RNF144A: variants seen among roughly 807,000 people sequenced by gnomAD.
RNF144A encodes the protein E3 ubiquitin-protein ligase RNF144A.
Under a neutral mutation model 38.7 loss-of-function variants are expected in RNF144A, and 11 were observed. The observed-to-expected ratio is 0.28, with a 90% CI of 0.18 to 0.47. The LOEUF (loss-of-function observed/expected upper bound fraction) is 0.47. RNF144A is among the 20% of genes least tolerant of loss of function. RNF144A has a pLI of 0.99. For missense variants in RNF144A, 316 were observed against 377.2 expected, an observed-to-expected ratio of 0.84 and a Z score of 1.34; for synonymous variants, 149 against 143.9, an observed-to-expected ratio of 1.04 and a Z score of -0.25.
chr2:7,016,923 C>T (rs891002542), intron 5 of RNF144A, among the ~76,000 whole-genome samples: 1 of 152,188 alleles, frequency 6.6e-6, no homozygotes, highest in East Asian at 1.9e-4. Context: ...TCTGATATAA[C>T]AGCCTTGGTT....
chr2:7,075,172 A>G, the RNF144A span, among the ~76,000 whole-genome samples: 2 of 152,096 alleles, frequency 1.3e-5, no homozygotes, highest in Non-Finnish European at 1.5e-5. Context: ...TTGGGAAGAC[A>G]TCTTTCCTCT....
chr2:6,931,248 A>T (rs569927294), intron 1 of RNF144A, among the ~76,000 whole-genome samples: 38 of 152,354 alleles, frequency 2.5e-4, no homozygotes, highest in Admixed American at 4.6e-4. Flanking sequence ...TTGTGAAAAG[A>T]CCTGTGACTT....
In RNF144A at chr2:7,042,566, T is replaced by C. The variant is rs80300914; in HGVS notation, c.*2806T>C. The C allele has an allele frequency of 1.3e-3, 1,275 of 985,562 alleles. 12 individuals are homozygous for C. In the African/African-American group the frequency reaches 0.021, roughly 16 times the overall value. The allele number at this position is 985,562 out of a possible 1,614,324, so 61.1% of individuals were successfully genotyped here. ...GACTGGCCTTAGCCCAGTGGACCTG[T>C]GGCTTCTCTGAGGCCCTTGAGTAAC... On this transcript the variant is annotated 3_prime_UTR_variant, in exon 9 of 9. Transcript: ENST00000320892.
At chr2:6,966,897 T>G (rs1412569615) in intron 2 of RNF144A, among the ~76,000 whole-genome samples, 1 of 152,206 alleles carries the variant, frequency 6.6e-6, no homozygotes, top group Non-Finnish European at 1.5e-5. Flanking sequence ...TCCTGGCCAC[T>G]TCCACCCGGA....
At position 7,041,363 on chromosome 2, in the gene RNF144A, G is replaced by A. The variant is rs138045742; in HGVS notation, c.*1603G>A. The A allele has an allele frequency of 2.0e-5, 20 of 985,772 alleles. No individual in the cohort carries two copies. The highest frequency in any genetic ancestry group is 3.5e-5 in the African/African-American group (2 of 57,318). 61.1% of individuals were successfully genotyped at this position (985,772 alleles called of 1,614,324 possible). On this transcript the variant is annotated 3_prime_UTR_variant, in exon 9 of 9. Coordinates refer to ENST00000320892, the MANE Select transcript of RNF144A (RefSeq NM_014746.6). ...CATTGAATTCGTTAGAAAAAACAGC[G>A]TCACCTCACTCTTCACCTGTCATGT...
At chr2:6,975,633 G>C (rs944853358) in intron 2 of RNF144A, among the ~76,000 whole-genome samples, 7 of 152,130 alleles carry the variant, frequency 4.6e-5, no homozygotes, top group African/African-American at 1.7e-4. Flanking sequence ...GACCAGCCTG[G>C]GCAACAAGTT....
At position 7,025,648 on chromosome 2, in the gene RNF144A, G is replaced by A. The variant is rs149395981; in HGVS notation, c.657+1132G>A. Among the ~76,000 whole-genome samples the A allele has an allele frequency of 6.5e-3, 989 of 152,000 alleles. 7 individuals are homozygous for A. Among genetic ancestry groups the A allele is most frequent in the Admixed American group, 0.011 (165 of 15,264 alleles). Reference sequence around the variant, plus strand: ...GATGGCACCACTGCACTCCAGCCTCGGCAACAGAGTGAGACTCCATCTCAA... The same window carrying A: ...GATGGCACCACTGCACTCCAGCCTCAGCAACAGAGTGAGACTCCATCTCAA... On this transcript the variant is annotated intron_variant, in intron 7 of 8. Transcript: ENST00000320892.
At chr2:7,053,478 G>A (rs887653517) in intron 6 of RNF144A, among the ~76,000 whole-genome samples, 2 of 152,088 alleles carry the variant, frequency 1.3e-5, no homozygotes, top group Non-Finnish European at 2.9e-5. Context: ...GGGAATTATC[G>A]GTTTTCAAGT....
intron 6 of RNF144A, among the ~76,000 whole-genome samples, chr2:7,023,501 T>C (rs138523898): frequency 2.0e-5 from 3 of 152,322 alleles, no homozygotes; most frequent in African/African-American, 7.2e-5. Flanking sequence ...TCCAACAATA[T>C]AGCAAATGGA....
chr2:7,025,680 AAAAT>A lies in RNF144A; in HGVS notation c.657+1180_657+1183del, dbSNP rs1321742749. 2.6e-5 allele frequency among the ~76,000 whole-genome samples: 4 copies of A among 152,198 alleles called. No homozygotes were observed. In the East Asian group the frequency reaches 7.7e-4, roughly 29 times the overall value. The stretch of plus-strand genomic sequence containing the variant: ...GAGTGAGACTCCATCTCAAAAAATA[AAAAT>A]AAATAAATAAATAAAACTATAATTA... On this transcript the variant is annotated intron_variant, in intron 7 of 8. Transcript: ENST00000320892.
chr2:7,049,502 T>G (rs1245011536), intron 6 of RNF144A, among the ~76,000 whole-genome samples: 1 of 152,006 alleles, frequency 6.6e-6, no homozygotes, highest in Non-Finnish European at 1.5e-5. Context: ...GAAAAACGAG[T>G]CTCTTGGAAT....
chr2:6,920,324 T>C (rs1232004394), intron 1 of RNF144A, among the ~76,000 whole-genome samples: 2 of 152,202 alleles, frequency 1.3e-5, no homozygotes, highest in Admixed American at 1.3e-4. Flanking sequence ...TGAACCCTTG[T>C]TGTAACCATG....
chr2:6,971,157 G>A (rs1667979433), intron 2 of RNF144A, among the ~76,000 whole-genome samples: 1 of 152,126 alleles, frequency 6.6e-6, no homozygotes, highest in Admixed American at 6.5e-5. Context: ...TTGTTCTTTG[G>A]CCTTGTCCTT....
intron 1 of RNF144A, among the ~76,000 whole-genome samples, chr2:6,929,858 A>G (rs1051676723): frequency 9.8e-5 from 15 of 152,364 alleles, no homozygotes; most frequent in African/African-American, 3.6e-4. Context: ...GTTATTTAAA[A>G]AAACAATTCT....
intron 1 of RNF144A, among the ~76,000 whole-genome samples, chr2:6,936,716 G>A (rs1417526441): frequency 1.3e-5 from 2 of 152,152 alleles, no homozygotes; most frequent in Non-Finnish European, 2.9e-5. Flanking sequence ...ATTTGAAGTA[G>A]CATCTGTGTT....
intron 8 of RNF144A, among the ~76,000 whole-genome samples, chr2:7,035,178 C>A (rs925501583): frequency 6.6e-6 from 1 of 152,140 alleles, no homozygotes; most frequent in African/African-American, 2.4e-5. Flanking sequence ...CTGTTTTGTT[C>A]CTTCTCCCTG....
rs796632366 is a variant in RNF144A at position 6,980,891 on chromosome 2, C to T, written c.-11-16025C>T. On this transcript the variant is annotated intron_variant, in intron 2 of 8. Transcript: ENST00000320892. ...AGCAATTCCATACATCCTCTGAAAT[C>T]GAGGTGGAGGCTTCCTAAGCTTAAC... 9.8e-5 allele frequency among the ~76,000 whole-genome samples: 15 copies of T among 152,362 alleles called. No individual in the cohort carries two copies. The South Asian group carries it at 1.7e-3, about 17-fold the overall frequency.
chr2:6,978,820 C>A (rs938553780), intron 2 of RNF144A: 4 of 152,618 alleles, frequency 2.6e-5, no homozygotes, highest in African/African-American at 9.7e-5. Flanking sequence ...TGGGGATCAT[C>A]ACCACCATGT....
rs189436218 is a variant in RNF144A at position 7,053,836 on chromosome 2, C to G, written c.735-14380C>G. 1.2e-3 allele frequency among the ~76,000 whole-genome samples: 184 copies of G among 152,302 alleles called. 1 individual carries two copies. The highest frequency in any genetic ancestry group is 4.2e-3 in the African/African-American group (173 of 41,566). The stretch of plus-strand genomic sequence containing the variant: ...TTGTTATATAACCTGTTTGTGTAAG[C>G]TCATACTTGGCTGGGAGCCACTGTC... On this transcript the variant is annotated intron_variant, in intron 6 of 6. Transcript: ENST00000432850.
Sources: allele counts gnomAD v4.1 joint callset (sites outside exome capture counted in the v4.1 genomes callset), GRCh38; gene constraint gnomAD v4.1.1; transcripts MANE v1.5; gene names NCBI Gene and HGNC (gene_info 2026-07-23, HGNC 2026-07-21).